The following MALRD1 variants were observed in gnomAD, a reference collection of about 807,000 sequenced individuals.
MALRD1 encodes MAM and LDL-receptor class A domain-containing protein 1.
Under a neutral mutation model 242.1 loss-of-function variants are expected in MALRD1, and 247 were observed. The ratio of observed to expected loss-of-function variants is 1.02; its 90% CI spans 0.92 to 1.13. The LOEUF is 1.13. MALRD1 is among the 50% of genes most tolerant of loss of function. The pLI, the probability that MALRD1 is intolerant of heterozygous loss-of-function variation, is 0.00. For missense variants in MALRD1, 2,989 were observed against 2,533.1 expected, an observed-to-expected ratio of 1.18 and a Z score of -3.86; for synonymous variants, 995 against 866.6, an observed-to-expected ratio of 1.15 and a Z score of -2.60.
At chr10:19,172,370 T>C (rs1390406655) in intron 13 of MALRD1, among the ~76,000 whole-genome samples, 1 of 151,770 alleles carries the variant, frequency 6.6e-6, no homozygotes, top group East Asian at 1.9e-4. Flanking sequence ...TTTTAATTAA[T>C]GGTAGAATTA....
chr10:19,099,495 T>C (rs767821894), intron 4 of MALRD1, among the ~76,000 whole-genome samples: 9 of 152,144 alleles, frequency 5.9e-5, no homozygotes, highest in African/African-American at 9.7e-5. Context: ...ATGTTCACTG[T>C]TGGATTAGTG....
intron 34 of MALRD1, among the ~76,000 whole-genome samples, chr10:19,602,903 T>C (rs545742171): frequency 1.3e-5 from 2 of 152,276 alleles, no homozygotes; most frequent in African/African-American, 2.4e-5. Flanking sequence ...TGGTGTGAGA[T>C]GGTATCTCAT....
At chr10:19,533,746 A>G (rs1375337527) in intron 32 of MALRD1, among the ~76,000 whole-genome samples, 1 of 152,148 alleles carries the variant, frequency 6.6e-6, no homozygotes, top group Non-Finnish European at 1.5e-5. Context: ...ATCTGCCCCC[A>G]TGACCCAACA....
intron 18 of MALRD1, among the ~76,000 whole-genome samples, chr10:19,218,339 G>A (rs1053061535): frequency 1.3e-5 from 2 of 151,994 alleles, no homozygotes; most frequent in African/African-American, 2.4e-5. Flanking sequence ...ATGCTAAGAC[G>A]TCACTTTTCT....
chr10:19,168,652 T>G (rs907684716), intron 13 of MALRD1, among the ~76,000 whole-genome samples: 3 of 152,216 alleles, frequency 2.0e-5, no homozygotes, highest in African/African-American at 7.2e-5. Flanking sequence ...TCCCTTATTA[T>G]CTGGGGGCAT....
chr10:19,622,147 G>A (rs762412014), intron 36 of MALRD1, among the ~76,000 whole-genome samples: 3 of 150,556 alleles, frequency 2.0e-5, no homozygotes, highest in Non-Finnish European at 4.4e-5. Flanking sequence ...ATTTCATATT[G>A]TACTGGAGGT....
chr10:19,363,240 G>GGAT (rs902554530), intron 26 of MALRD1, among the ~76,000 whole-genome samples: 3 of 151,934 alleles, frequency 2.0e-5, no homozygotes, highest in African/African-American at 7.2e-5. Context: ...GAATAATAAA[G>GGAT]GATAAGAGAA....
At chr10:19,382,693 C>G (rs1017108024) in intron 26 of MALRD1, among the ~76,000 whole-genome samples, 1 of 152,032 alleles carries the variant, frequency 6.6e-6, no homozygotes, top group African/African-American at 2.4e-5. Flanking sequence ...TTTTCCTGGT[C>G]TGCTCTGGGA....
At chr10:19,451,589 G>A (rs1385277040) in intron 29 of MALRD1, among the ~76,000 whole-genome samples, 2 of 152,096 alleles carry the variant, frequency 1.3e-5, no homozygotes, top group Admixed American at 1.3e-4. Flanking sequence ...TGATTCACTT[G>A]GCAGCAAGTC....
chr10:19,604,723 T>C (rs1001807675), intron 34 of MALRD1, among the ~76,000 whole-genome samples: 1 of 152,194 alleles, frequency 6.6e-6, no homozygotes, highest in African/African-American at 2.4e-5. Context: ...AGTCAATGCC[T>C]GGCTTAACTA....
intron 31 of MALRD1, among the ~76,000 whole-genome samples, chr10:19,529,867 A>G (rs1298082330): frequency 6.6e-6 from 1 of 152,090 alleles, no homozygotes; most frequent in Non-Finnish European, 1.5e-5. Context: ...AAAAAGAAAC[A>G]TTACATAACA....
intron 36 of MALRD1, among the ~76,000 whole-genome samples, chr10:19,660,182 A>G (rs1841362852): frequency 6.6e-6 from 1 of 152,194 alleles, no homozygotes; most frequent in Non-Finnish European, 1.5e-5. Flanking sequence ...CTGGTTATAC[A>G]GACAATATGT....
chr10:19,597,344 A>G (rs1186213441), intron 34 of MALRD1, among the ~76,000 whole-genome samples: 4 of 152,202 alleles, frequency 2.6e-5, no homozygotes, highest in Non-Finnish European at 5.9e-5. Context: ...TTAGGAAGGT[A>G]CTGTGTCCTT....
chr10:19,256,016 A>G (rs1401056989), intron 18 of MALRD1, among the ~76,000 whole-genome samples: 1 of 152,074 alleles, frequency 6.6e-6, no homozygotes, highest in African/African-American at 2.4e-5. Context: ...ATGAATGTGT[A>G]TATATCCCTA....
chr10:19,540,298 C>A (rs899734154), intron 32 of MALRD1, among the ~76,000 whole-genome samples: 4 of 152,056 alleles, frequency 2.6e-5, no homozygotes, highest in Non-Finnish European at 5.9e-5. Flanking sequence ...AAGAGTCTTA[C>A]CCCAACTCAG....
chr10:19,692,269 A>T lies in MALRD1; in HGVS notation c.6138-13A>T, dbSNP rs1426844884. The T allele has an allele frequency of 1.6e-5, 25 of 1,525,684 alleles. No individual in the cohort carries two copies. The highest frequency in any genetic ancestry group is 2.2e-5 in the Non-Finnish European group (25 of 1,140,456). 94.5% of individuals were successfully genotyped at this position (1,525,684 alleles called of 1,614,324 possible). A position where few individuals can be genotyped will look rare whatever the true frequency, so the allele number is the denominator to read the frequency against. On this transcript the variant is annotated splice_polypyrimidine_tract_variant and intron_variant, in intron 36 of 39. Transcript: ENST00000454679. ...TTCTTTTTTCCAACTATTTTATTTT[A>T]TCTCCTTTCCAGATGTAGACAAGGC...
chr10:19,049,070 C>G lies in MALRD1; in HGVS notation c.132C>G (p.Val44=), dbSNP rs1234479149. The G allele has an allele frequency of 4.9e-6, 6 of 1,233,870 alleles. No individual in the cohort carries two copies. The highest frequency in any genetic ancestry group is 4.1e-5 in the South Asian group (1 of 24,414). 76.4% of individuals were successfully genotyped at this position (1,233,870 alleles called of 1,614,324 possible). ...AAAGCTTTCAGTGTGACAATGGAGT[C>G]TCCTTGCCTCCTGACAGCATTTGTG... The part of the protein sequence containing the change: ...GTESFQCDNG[V]SLPPDSICDF... Residue 44 remains valine (V), a synonymous_variant, in exon 1 of 40, where the codon GTC becomes GTG. Transcript: ENST00000454679.
At chr10:19,196,527 C>T (rs1836258834) in intron 14 of MALRD1, among the ~76,000 whole-genome samples, 1 of 119,736 alleles carries the variant, frequency 8.4e-6, no homozygotes, top group Non-Finnish European at 1.7e-5. Context: ...GCATGGGGCA[C>T]CACTCTTTGT....
chr10:19,229,373 T>G (rs1398703230), intron 18 of MALRD1, among the ~76,000 whole-genome samples: 1 of 152,156 alleles, frequency 6.6e-6, no homozygotes, highest in Non-Finnish European at 1.5e-5. Flanking sequence ...AATTTGCTTG[T>G]GTCCCACCAA....
Sources: gnomAD v4.1 joint callset for allele counts (sites outside exome capture counted in the v4.1 genomes callset) on GRCh38, gnomAD v4.1.1 for gene constraint, MANE v1.5 for transcripts, NCBI Gene and HGNC (gene_info 2026-07-23, HGNC 2026-07-21) for gene names.